Variants in PPARGC1A observed in about 807,000 individuals in gnomAD.
The protein encoded by PPARGC1A is peroxisome proliferator-activated receptor gamma coactivator 1-alpha.
A neutral mutation model predicts 88.7 loss-of-function variants in PPARGC1A; 25 were observed. The observed-to-expected ratio is 0.28, with a 90% CI of 0.21 to 0.39. The LOEUF (loss-of-function observed/expected upper bound fraction) is 0.39, where lower values mean the gene tolerates loss of function less well. Ranked by LOEUF, PPARGC1A falls within the 10% of genes least tolerant of loss-of-function variation. The pLI is 1.00. For missense variants in PPARGC1A, 880 were observed against 968.7 expected, an observed-to-expected ratio of 0.91 and a Z score of 1.22; for synonymous variants, 363 against 355.6, an observed-to-expected ratio of 1.02 and a Z score of -0.24.
chr4:24,249,404 G>A, the PPARGC1A span, among the ~76,000 whole-genome samples: 1,085 of 152,136 alleles, frequency 7.1e-3, 10 homozygotes, highest in Non-Finnish European at 0.012. Flanking sequence ...CTGTGAGGCC[G>A]CGTTCAGGAC....
chr4:24,118,869 G>C, the PPARGC1A span, among the ~76,000 whole-genome samples: 1 of 152,036 alleles, frequency 6.6e-6, no homozygotes, highest in Non-Finnish European at 1.5e-5. Context: ...AGTCACTGCT[G>C]TTTATTAGGA....
the PPARGC1A span, among the ~76,000 whole-genome samples, chr4:24,337,713 G>A: frequency 2.0e-5 from 3 of 151,148 alleles, no homozygotes; most frequent in South Asian, 2.1e-4. Context: ...AAAAAAATGA[G>A]GTTGAGCAAA....
chr4:23,857,467 A>G (rs2148693454), intron 2 of PPARGC1A, among the ~76,000 whole-genome samples: 1 of 151,534 alleles, frequency 6.6e-6, no homozygotes, highest in Non-Finnish European at 1.5e-5. Flanking sequence ...ATGTATATTA[A>G]CTAAATCATA....
the PPARGC1A span, among the ~76,000 whole-genome samples, chr4:24,201,021 G>T: frequency 6.6e-6 from 1 of 152,074 alleles, no homozygotes; most frequent in Non-Finnish European, 1.5e-5. Context: ...CATGATAGGG[G>T]ATACCTACCA....
chr4:23,929,111 G>T, the PPARGC1A span, among the ~76,000 whole-genome samples: 1 of 151,264 alleles, frequency 6.6e-6, no homozygotes, highest in Non-Finnish European at 1.5e-5. Flanking sequence ...TACACATCCT[G>T]CACATGTACC....
chr4:24,253,259 A>G, the PPARGC1A span, among the ~76,000 whole-genome samples: 18 of 134,188 alleles, frequency 1.3e-4, no homozygotes, highest in African/African-American at 4.5e-4. Context: ...AAGTTCTTTT[A>G]CTGCTCTTTT....
chr4:24,423,554 G>A, the PPARGC1A span, among the ~76,000 whole-genome samples: 209 of 152,246 alleles, frequency 1.4e-3, no homozygotes, highest in African/African-American at 4.7e-3. Flanking sequence ...GGGGGGCTGG[G>A]GGGGTGTCCC....
chr4:24,463,477 A>AGT, the PPARGC1A span, among the ~76,000 whole-genome samples: 1 of 152,348 alleles, frequency 6.6e-6, no homozygotes, highest in South Asian at 2.1e-4. Flanking sequence ...TTATTCTCCA[A>AGT]GTCAAATTCT....
At chr4:24,109,036 C>CCACA in the PPARGC1A span, among the ~76,000 whole-genome samples, 48 of 128,690 alleles carry the variant, frequency 3.7e-4, no homozygotes, top group Non-Finnish European at 5.2e-4. Flanking sequence ...CACACACACA[C>CCACA]CACACACACA....
chr4:24,097,994 A>C, the PPARGC1A span, among the ~76,000 whole-genome samples: 1 of 152,210 alleles, frequency 6.6e-6, no homozygotes, highest in African/African-American at 2.4e-5. Flanking sequence ...TATGCCTGTT[A>C]ATATAATTAC....
the PPARGC1A span, among the ~76,000 whole-genome samples, chr4:24,293,453 T>C: frequency 1.0e-3 from 4 of 3,894 alleles, no homozygotes; most frequent in Admixed American, 3.6e-3. Flanking sequence ...CCCCCTCACC[T>C]CTCACCCCTG....
the PPARGC1A span, among the ~76,000 whole-genome samples, chr4:24,406,398 G>A: frequency 2.9e-3 from 440 of 152,252 alleles, 2 homozygotes; most frequent in African/African-American, 1.0e-2. Flanking sequence ...TCCTTAAGTC[G>A]AGTGCACCAT....
At chr4:24,038,426 C>G in the PPARGC1A span, among the ~76,000 whole-genome samples, 2 of 152,144 alleles carry the variant, frequency 1.3e-5, no homozygotes, top group Admixed American at 1.3e-4. Flanking sequence ...ACCCCTTGAG[C>G]CAATGCAATT....
chr4:23,961,648 C>G, the PPARGC1A span, among the ~76,000 whole-genome samples: 3 of 152,100 alleles, frequency 2.0e-5, no homozygotes, highest in Non-Finnish European at 2.9e-5. Flanking sequence ...TGGCCCTCTT[C>G]CCTGTGGTAA....
the PPARGC1A span, among the ~76,000 whole-genome samples, chr4:24,454,288 G>GT: frequency 7.8e-3 from 1,137 of 145,796 alleles, 7 homozygotes; most frequent in African/African-American, 0.019. Context: ...ATGGTTGCTG[G>GT]TTTTTTTTTT....
At chr4:24,076,532 G>A in the PPARGC1A span, among the ~76,000 whole-genome samples, 1 of 152,124 alleles carries the variant, frequency 6.6e-6, no homozygotes, top group African/African-American at 2.4e-5. Flanking sequence ...TGGAGATGTG[G>A]GAAGAACTAG....
the PPARGC1A span, among the ~76,000 whole-genome samples, chr4:24,245,039 A>G: frequency 3.3e-5 from 5 of 152,154 alleles, no homozygotes; most frequent in Non-Finnish European, 7.4e-5. Flanking sequence ...AAAAAAGAGG[A>G]AGAGAGAAGG....
intron 2 of PPARGC1A, among the ~76,000 whole-genome samples, chr4:23,859,569 CAGG>C (rs1176335065): frequency 6.6e-6 from 1 of 152,020 alleles, no homozygotes; most frequent in Non-Finnish European, 1.5e-5. Context: ...ATCACAAGGT[CAGG>C]AGATCGAGAC....
At chr4:24,437,718 T>C in the PPARGC1A span, among the ~76,000 whole-genome samples, 1 of 151,946 alleles carries the variant, frequency 6.6e-6, no homozygotes, top group African/African-American at 2.4e-5. Flanking sequence ...TGCCAAGGCT[T>C]GAGTGCAATG....
Sources: gnomAD v4.1 joint callset for allele counts (sites outside exome capture counted in the v4.1 genomes callset) on GRCh38, gnomAD v4.1.1 for gene constraint, MANE v1.5 for transcripts, NCBI Gene and HGNC (gene_info 2026-07-23, HGNC 2026-07-21) for gene names.